Variants in B3GALT1 observed in about 807,000 individuals in gnomAD.
The protein encoded by B3GALT1 is beta-1,3-galactosyltransferase 1.
A neutral mutation model predicts 23.2 loss-of-function variants in B3GALT1; 10 were observed. The observed-to-expected ratio is 0.43, with a 90% CI of 0.27 to 0.73. The LOEUF (loss-of-function observed/expected upper bound fraction) is 0.73. B3GALT1 is among the 30% of genes least tolerant of loss of function. The pLI is 0.21. For missense variants in B3GALT1, 299 were observed against 405.4 expected, an observed-to-expected ratio of 0.74 and a Z score of 2.25; for synonymous variants, 156 against 141.5, an observed-to-expected ratio of 1.10 and a Z score of -0.73.
chr2:167,538,618 C>T (rs1683472444), intron 2 of B3GALT1, among the ~76,000 whole-genome samples: 1 of 152,178 alleles, frequency 6.6e-6, no homozygotes, highest in African/African-American at 2.4e-5. Context: ...GCGTACATTA[C>T]TCTGTTCACA....
chr2:167,787,105 A>T (rs1013721417), intron 3 of B3GALT1, among the ~76,000 whole-genome samples: 3 of 152,230 alleles, frequency 2.0e-5, no homozygotes. Context: ...AGTAGCCAGG[A>T]TGCCTAAATT....
chr2:167,648,672 A>G (rs1410552916), intron 3 of B3GALT1, among the ~76,000 whole-genome samples: 2 of 152,124 alleles, frequency 1.3e-5, no homozygotes, highest in Non-Finnish European at 2.9e-5. Flanking sequence ...CATTTTGTTT[A>G]GCCATCAAAT....
chr2:167,624,393 G>A (rs1216957129), intron 2 of B3GALT1, among the ~76,000 whole-genome samples: 4 of 152,052 alleles, frequency 2.6e-5, no homozygotes, highest in Non-Finnish European at 5.9e-5. Context: ...GAACAGGAAA[G>A]GAAATTGTAG....
At chr2:167,699,378 C>CTTTTTTTTTTTTTTTTTT (rs1285786645) in intron 3 of B3GALT1, among the ~76,000 whole-genome samples, 2 of 78,678 alleles carry the variant, frequency 2.5e-5, no homozygotes, top group East Asian at 4.2e-4. Flanking sequence ...GCCATTATTT[C>CTTTTTTTTTTTTTTTTTT]TATTTTTTTT....
At chr2:167,367,376 A>G (rs1171529138) in intron 1 of B3GALT1, among the ~76,000 whole-genome samples, 2 of 152,194 alleles carry the variant, frequency 1.3e-5, no homozygotes, top group Non-Finnish European at 2.9e-5. Context: ...TGGACTACCC[A>G]TTGCTTAGCA....
At chr2:167,420,156 T>C (rs1464953283) in intron 1 of B3GALT1, among the ~76,000 whole-genome samples, 1 of 152,190 alleles carries the variant, frequency 6.6e-6, no homozygotes, top group Non-Finnish European at 1.5e-5. Context: ...GATTTAGTAA[T>C]GCATCAAAAT....
intron 3 of B3GALT1, among the ~76,000 whole-genome samples, chr2:167,719,527 C>A (rs990685738): frequency 5.3e-5 from 8 of 152,144 alleles, no homozygotes; most frequent in Non-Finnish European, 1.0e-4. Flanking sequence ...GAATCCTAGT[C>A]CCAACTTTAT....
rs139548610 is a variant in B3GALT1 at position 167,406,247 on chromosome 2, G to A, written c.-510-83930G>A. On this transcript the variant is annotated intron_variant, in intron 1 of 4. Transcript: ENST00000392690. ...TAGGGGAAACTTTTCATGACATGGG[G>A]TTATTTTTAATCAGAATATAAAAAG... Among the ~76,000 whole-genome samples the A allele has an allele frequency of 1.7e-4, 26 of 152,126 alleles. No individual in the cohort carries two copies. In the East Asian group the frequency reaches 4.8e-3, roughly 28 times the overall value.
At chr2:167,563,504 A>C (rs1684065473) in intron 2 of B3GALT1, among the ~76,000 whole-genome samples, 1 of 37,328 alleles carries the variant, frequency 2.7e-5, no homozygotes, top group African/African-American at 1.6e-4. Context: ...GGCGCCCCTC[A>C]CCTCCCGGAC....
At chr2:167,715,993 C>G in intron 3 of B3GALT1, 1 of 1,612,008 alleles carries the variant, frequency 6.2e-7, no homozygotes, top group Non-Finnish European at 8.5e-7. Context: ...TCAGGTAGTG[C>G]TGCCACAATT....
At chr2:167,659,051 A>G (rs1336126687) in intron 3 of B3GALT1, among the ~76,000 whole-genome samples, 1 of 152,104 alleles carries the variant, frequency 6.6e-6, no homozygotes, top group South Asian at 2.1e-4. Context: ...TATCACTACT[A>G]TTCAATTGCA....
chr2:167,808,430 G>A (rs1292168833), intron 3 of B3GALT1, among the ~76,000 whole-genome samples: 1 of 149,480 alleles, frequency 6.7e-6, no homozygotes, highest in Non-Finnish European at 1.5e-5. Context: ...TGTTTTTGCA[G>A]TGGCTGGTAC....
chr2:167,685,717 G>A (rs1049437587), intron 3 of B3GALT1, among the ~76,000 whole-genome samples: 1 of 152,142 alleles, frequency 6.6e-6, no homozygotes. Context: ...TGAAGAGTTT[G>A]GATTTTATTC....
chr2:167,456,613 G>A (rs1699177261), intron 1 of B3GALT1, among the ~76,000 whole-genome samples: 2 of 152,206 alleles, frequency 1.3e-5, no homozygotes, highest in Non-Finnish European at 2.9e-5. Flanking sequence ...TGGCTAGAAA[G>A]TCAAGGGTTC....
intron 2 of B3GALT1, among the ~76,000 whole-genome samples, chr2:167,563,213 C>G (rs184746194): frequency 0.056 from 8,357 of 149,354 alleles, 354 homozygotes; most frequent in South Asian, 0.18. Context: ...TCCTCACCTC[C>G]CAGCAGGTGC....
intron 2 of B3GALT1, among the ~76,000 whole-genome samples, chr2:167,588,953 G>GT (rs148052204): frequency 0.19 from 26,300 of 139,624 alleles, 2,487 homozygotes; most frequent in Non-Finnish European, 0.2. Flanking sequence ...TTCCCTCCTT[G>GT]TTTTTTAGAG....
At chr2:167,852,738 A>G (rs573311048) in intron 4 of B3GALT1, among the ~76,000 whole-genome samples, 89 of 152,274 alleles carry the variant, frequency 5.8e-4, no homozygotes, top group African/African-American at 2.1e-3. Flanking sequence ...CCAGCACATC[A>G]CATAAAAACT....
intron 2 of B3GALT1, among the ~76,000 whole-genome samples, chr2:167,495,182 C>T (rs763553091): frequency 2.6e-5 from 4 of 151,966 alleles, no homozygotes; most frequent in Non-Finnish European, 2.9e-5. Flanking sequence ...TGGTGGCAGA[C>T]GTAGGAATGC....
intron 3 of B3GALT1, chr2:167,715,186 T>G (rs1416830637): frequency 3.1e-5 from 50 of 1,613,878 alleles, no homozygotes; most frequent in Admixed American, 1.0e-4. Context: ...TGTTCACTTC[T>G]AATTCCAAGT....
Sources: gnomAD v4.1 joint callset for allele counts (sites outside exome capture counted in the v4.1 genomes callset) on GRCh38, gnomAD v4.1.1 for gene constraint, MANE v1.5 for transcripts, NCBI Gene and HGNC (gene_info 2026-07-23, HGNC 2026-07-21) for gene names.